Variants in ATP11B observed in about 807,000 individuals in gnomAD.
ATP11B encodes phospholipid-transporting ATPase IF.
A neutral mutation model predicts 157.8 loss-of-function variants in ATP11B; 81 were observed. The observed-to-expected ratio is 0.51, with a 90% CI of 0.43 to 0.62. The LOEUF is 0.62. Among genes scored for constraint, ATP11B ranks in the 20% least tolerant of loss-of-function variants. The probability of loss-of-function intolerance (pLI) is 0.00; values close to 1 mark genes in which losing one functional copy is unlikely to be tolerated. For missense variants in ATP11B, 1,165 were observed against 1,402.2 expected (o/e 0.83, Z 2.70); for synonymous variants, 451 against 469.4 (o/e 0.96, Z 0.51).
Position 182,920,439 on chromosome 3 carries a change from C to G in ATP11B, c.*2335C>G, listed in dbSNP as rs190180684. The G allele has an allele frequency of 7.6e-4, 115 of 152,288 alleles. No individual in the cohort carries two copies. The highest frequency in any genetic ancestry group is 2.6e-3 in the African/African-American group (109 of 41,546). 9.4% of individuals were successfully genotyped at this position (152,288 alleles called of 1,614,324 possible). The stretch of plus-strand genomic sequence containing the variant: ...AGTAGTTTTCTAGTGCTATATTCAT[C>G]CTGTAAAACTCTTACTACGTAACCA... On this transcript the variant is annotated 3_prime_UTR_variant, in exon 30 of 30. Coordinates refer to ENST00000323116, the MANE Select transcript of ATP11B (RefSeq NM_014616.3).
intron 15 of ATP11B, among the ~76,000 whole-genome samples, chr3:182,867,732 C>T (rs543987346): frequency 2.6e-5 from 4 of 152,012 alleles, no homozygotes; most frequent in East Asian, 1.9e-4. Flanking sequence ...TACAGGCATG[C>T]GCCACTATGC....
chr3:182,877,722 TTATA>T (rs1722143417), intron 19 of ATP11B, among the ~76,000 whole-genome samples: 1 of 152,026 alleles, frequency 6.6e-6, no homozygotes, highest in Non-Finnish European at 1.5e-5. Context: ...AAGGAAATAA[TTATA>T]AAGTATGGCC....
chr3:182,845,393 C>A, intron 8 of ATP11B, 65 bp from the exon 9 acceptor site: 1 of 1,350,518 alleles, frequency 7.4e-7, no homozygotes, highest in Non-Finnish European at 1.0e-6. Context: ...GCTGAAGATG[C>A]CATTTCAGAA....
intron 25 of ATP11B, among the ~76,000 whole-genome samples, chr3:182,894,062 G>A (rs1009868030): frequency 1.3e-5 from 2 of 152,146 alleles, no homozygotes; most frequent in African/African-American, 4.8e-5. Flanking sequence ...TGAGTTGCTT[G>A]TAGATTCTGG....
At chr3:182,898,282 TC>T (rs1290565483) in intron 27 of ATP11B, among the ~76,000 whole-genome samples, 4 of 152,158 alleles carry the variant, frequency 2.6e-5, no homozygotes, top group African/African-American at 9.6e-5. Flanking sequence ...TAATCGGCCT[TC>T]TAAAATATTT....
chr3:182,855,617 C>A (rs1401326238), intron 10 of ATP11B, among the ~76,000 whole-genome samples: 2 of 152,072 alleles, frequency 1.3e-5, no homozygotes, highest in African/African-American at 2.4e-5. Context: ...AAAATACTTG[C>A]AAACCACAAA....
intron 28 of ATP11B, among the ~76,000 whole-genome samples, chr3:182,899,136 T>A (rs1311060745): frequency 6.7e-6 from 1 of 149,996 alleles, no homozygotes; most frequent in Non-Finnish European, 1.5e-5. Flanking sequence ...TTTAGAAACA[T>A]CAGAATTTGA....
At chr3:182,908,986 A>G (rs1724578680) in intron 28 of ATP11B, among the ~76,000 whole-genome samples, 1 of 152,260 alleles carries the variant, frequency 6.6e-6, no homozygotes, top group African/African-American at 2.4e-5. Context: ...TTAAGGGCAA[A>G]AGACCTAGCA....
intron 1 of ATP11B, among the ~76,000 whole-genome samples, chr3:182,801,268 A>G (rs1715994337): frequency 6.6e-6 from 1 of 152,192 alleles, no homozygotes; most frequent in African/African-American, 2.4e-5. Flanking sequence ...TCCACATTTT[A>G]ATTGGAAGTG....
intron 4 of ATP11B, among the ~76,000 whole-genome samples, chr3:182,832,311 G>T (rs552258314): frequency 6.6e-6 from 1 of 152,166 alleles, no homozygotes; most frequent in South Asian, 2.1e-4. Context: ...GCAAAAGGGG[G>T]AAATATAAAA....
intron 8 of ATP11B, chr3:182,844,403 G>T (rs895128498): frequency 1.5e-5 from 3 of 199,708 alleles, no homozygotes; most frequent in Non-Finnish European, 2.7e-5. Flanking sequence ...GGATAATTGT[G>T]TATGCATATT....
intron 12 of ATP11B, among the ~76,000 whole-genome samples, chr3:182,861,252 A>G (rs1048655407): frequency 2.0e-5 from 3 of 151,944 alleles, no homozygotes; most frequent in Non-Finnish European, 4.4e-5. Flanking sequence ...TTTAGTAGAA[A>G]CGTGGTTTCT....
In ATP11B at chr3:182,885,987, T is replaced by C; in HGVS notation, c.2692T>C (p.Phe898Leu). Reference sequence around the variant, plus strand: ...TATCACACCCCAGTTTTTATATCAGTTCTACTGTTTGTTTTCTCAGCAAGT... The same window carrying C: ...TATCACACCCCAGTTTTTATATCAGCTCTACTGTTTGTTTTCTCAGCAAGT... ...CFITPQFLYQFYCLFSQQTLY... is the reference protein window; with the variant it reads ...CFITPQFLYQLYCLFSQQTLY... Residue 898 changes from phenylalanine (F) to leucine (L), a missense_variant, in exon 23 of 30, where the codon TTC (phenylalanine) becomes CTC (leucine). This residue lies in a region of ATP11B where 737 missense variants were observed against 930.5 expected (regional missense o/e 0.79). Coordinates refer to ENST00000323116, the MANE Select transcript of ATP11B (RefSeq NM_014616.3). 6.7e-7 allele frequency: 1 copy of C among 1,497,422 alleles called. No individual in the cohort carries two copies. The highest frequency in any genetic ancestry group is 8.8e-7 in the Non-Finnish European group (1 of 1,134,190). The allele number at this position is 1,497,422 out of a possible 1,614,324, so 92.8% of individuals were successfully genotyped here.
intron 21 of ATP11B, among the ~76,000 whole-genome samples, chr3:182,881,764 T>C (rs1238907681): frequency 6.6e-6 from 1 of 152,218 alleles, no homozygotes; most frequent in African/African-American, 2.4e-5. Context: ...ATTTGTGATT[T>C]ACATAGTTGC....
chr3:182,840,564 C>T (rs1426059645), intron 7 of ATP11B, among the ~76,000 whole-genome samples: 1 of 152,202 alleles, frequency 6.6e-6, no homozygotes, highest in Non-Finnish European at 1.5e-5. Context: ...AACTAAACTG[C>T]TAATCTTCCT....
intron 1 of ATP11B, among the ~76,000 whole-genome samples, chr3:182,800,967 T>C (rs960894212): frequency 1.4e-5 from 2 of 145,348 alleles, no homozygotes; most frequent in African/African-American, 5.1e-5. Context: ...GCCCAACGGA[T>C]TTTTTCGTAT....
chr3:182,835,210 G>A lies in ATP11B; in HGVS notation c.316-825G>A, dbSNP rs184637950. On this transcript the variant is annotated intron_variant, in intron 4 of 29. Coordinates refer to ENST00000323116, the MANE Select transcript of ATP11B (RefSeq NM_014616.3). The stretch of plus-strand genomic sequence containing the variant: ...ATAACTTTTAGTGAAAACAATCCGT[G>A]TATGAGTGGACCTGTGCAGTACAAA... Among the ~76,000 whole-genome samples the A allele has an allele frequency of 5.7e-4, 87 of 152,232 alleles. No individual in the cohort carries two copies. In the East Asian group the frequency reaches 7.3e-3, roughly 13 times the overall value.
At chr3:182,884,298 C>T (rs947496558) in intron 21 of ATP11B, among the ~76,000 whole-genome samples, 1 of 151,968 alleles carries the variant, frequency 6.6e-6, no homozygotes, top group Non-Finnish European at 1.5e-5. Flanking sequence ...TGCACTTTGA[C>T]TTATTCATGG....
At position 182,857,956 on chromosome 3, in the gene ATP11B, A is replaced by C; in HGVS notation, c.930A>C (p.Thr310=). The C allele has an allele frequency of 4.3e-6, 7 of 1,610,756 alleles. No individual in the cohort carries two copies. The highest frequency in any genetic ancestry group is 5.9e-6 in the Non-Finnish European group (7 of 1,177,140). Residue 310 remains threonine, a synonymous_variant, in exon 11 of 30, where the codon ACA becomes ACC. Transcript: ENST00000323116. ...EAVISTILKY[T]WQAEEKWDEP... ...TCATCAGCACTATCTTGAAGTATACATGGCAAGCTGAAGAAAAATGGGATG... is the reference window on the plus strand; with the variant it reads ...TCATCAGCACTATCTTGAAGTATACCTGGCAAGCTGAAGAAAAATGGGATG...
Sources: gnomAD v4.1 joint callset for allele counts (sites outside exome capture counted in the v4.1 genomes callset) on GRCh38, gnomAD v4.1.1 for gene constraint, gnomAD v4.1.1 regional missense constraint, MANE v1.5 for transcripts, NCBI Gene and HGNC (gene_info 2026-07-23, HGNC 2026-07-21) for gene names.